GALNT10: variants seen among roughly 807,000 people sequenced by gnomAD.
GALNT10 encodes the protein GalNAc transferase 10.
In GALNT10, 41 loss-of-function variants were observed where a neutral mutation model predicts 75.0. That is an observed-to-expected ratio of 0.55 (90% CI 0.43 to 0.71). GALNT10 has a LOEUF of 0.71. Ranked by LOEUF, GALNT10 falls within the 30% of genes least tolerant of loss-of-function variation. The pLI is 0.00. For missense variants in GALNT10, 727 were observed against 818.5 expected (o/e 0.89, Z 1.36); for synonymous variants, 302 against 313.0 (o/e 0.96, Z 0.37).
intron 3 of GALNT10, among the ~76,000 whole-genome samples, chr5:154,322,262 G>A (rs1304366409): frequency 6.6e-6 from 1 of 152,100 alleles, no homozygotes; most frequent in East Asian, 1.9e-4. Flanking sequence ...CTGTCTATCA[G>A]CTGCCGACTG....
Position 154,225,115 on chromosome 5 carries a change from CAG to C in GALNT10, c.159+34093_159+34094del, listed in dbSNP as rs547522323. ...GTTTTTTTGTTTGTTTTTTTTTAGA[CAG>C]AGTCTTGCTCTGTCACCCAGGCTGG... On this transcript the variant is annotated intron_variant, in intron 1 of 11. Coordinates refer to ENST00000297107, the MANE Select transcript of GALNT10 (RefSeq NM_198321.4). Among the ~76,000 whole-genome samples the C allele has an allele frequency of 1.3e-4, 19 of 150,192 alleles. No homozygotes were observed. The East Asian group carries it at 3.7e-3, about 30-fold the overall frequency.
chr5:154,249,017 C>A (rs1160141888), intron 1 of GALNT10, among the ~76,000 whole-genome samples: 1 of 152,246 alleles, frequency 6.6e-6, no homozygotes, highest in Non-Finnish European at 1.5e-5. Context: ...AGCTTTGCAG[C>A]TTTGCTTTCC....
intron 4 of GALNT10, among the ~76,000 whole-genome samples, chr5:154,334,086 G>T (rs1233878600): frequency 2.0e-5 from 3 of 152,216 alleles, no homozygotes; most frequent in African/African-American, 7.2e-5. Flanking sequence ...GAAATTCATA[G>T]ATGCTAACTA....
intron 3 of GALNT10, among the ~76,000 whole-genome samples, chr5:154,314,288 T>A (rs192494513): frequency 2.0e-4 from 31 of 152,176 alleles, no homozygotes; most frequent in African/African-American, 7.2e-4. Flanking sequence ...GATCTGAGTG[T>A]CTCTTCAGCC....
rs1756513969 is a variant in GALNT10, at chr5:154,416,488, C to CACACACACACACAA, written c.1654-313_1654-312insAACACACACACACA. On this transcript the variant is annotated intron_variant, in intron 11 of 11. Transcript: ENST00000297107. This position sits in a 1 kb window ranked among gnomAD's most constrained non-coding sequence, Gnocchi z 4.5. ...GATAAAAGGAAAGCACATACACACA[C>CACACACACACACAA]ACACACACACACACACACACACACA... Among the ~76,000 whole-genome samples the CACACACACACACAA allele has an allele frequency of 7.1e-6, 1 of 141,344 alleles. No individual in the cohort carries two copies. Among genetic ancestry groups the CACACACACACACAA allele is most frequent in the Non-Finnish European group, 1.5e-5 (1 of 65,470 alleles). The allele number at this position is 141,344 out of a possible 152,430, so 92.7% of individuals were successfully genotyped here. A position where few individuals can be genotyped will look rare whatever the true frequency, so the allele number is the denominator to read the frequency against.
intron 4 of GALNT10, among the ~76,000 whole-genome samples, chr5:154,357,844 G>T (rs905780177): frequency 2.0e-5 from 3 of 152,160 alleles, no homozygotes; most frequent in Non-Finnish European, 2.9e-5. Flanking sequence ...GCCGCTCCCT[G>T]TGTGAGCTGA....
chr5:154,273,123 C>T (rs1194174959), intron 1 of GALNT10, among the ~76,000 whole-genome samples: 1 of 152,102 alleles, frequency 6.6e-6, no homozygotes, highest in African/African-American at 2.4e-5. Context: ...GTTAACACTG[C>T]ACTCAGAGAA....
chr5:154,339,740 A>G lies in GALNT10; in HGVS notation c.568+10002A>G, dbSNP rs553941418. Among the ~76,000 whole-genome samples the G allele has an allele frequency of 1.1e-3, 164 of 152,322 alleles. 1 individual carries two copies. The highest frequency in any genetic ancestry group is 3.8e-3 in the African/African-American group (157 of 41,574). ...TACATTTTAAAAACTTGGTGCAGTA[A>G]GAGTGTGGTAAATCACGGATATTCT... is the stretch of plus-strand genomic sequence containing the variant. On this transcript the variant is annotated intron_variant, in intron 4 of 11. Coordinates refer to ENST00000297107, the MANE Select transcript of GALNT10 (RefSeq NM_198321.4).
At chr5:154,289,199 A>G (rs1754156466) in intron 1 of GALNT10, among the ~76,000 whole-genome samples, 1 of 152,228 alleles carries the variant, frequency 6.6e-6, no homozygotes, top group South Asian at 2.1e-4. Flanking sequence ...GAGAGGACCT[A>G]ACTTTGTCCC....
intron 1 of GALNT10, among the ~76,000 whole-genome samples, chr5:154,228,954 C>T (rs1753106103): frequency 6.6e-6 from 1 of 152,142 alleles, no homozygotes; most frequent in Non-Finnish European, 1.5e-5. Flanking sequence ...TGTGATTTTG[C>T]TTTTGCTTTT....
intron 1 of GALNT10, among the ~76,000 whole-genome samples, chr5:154,227,512 C>T (rs1423687029): frequency 6.6e-6 from 1 of 152,024 alleles, no homozygotes; most frequent in African/African-American, 2.4e-5. Flanking sequence ...TTGTTGGTTT[C>T]TTATTACTGA....
intron 1 of GALNT10, among the ~76,000 whole-genome samples, chr5:154,263,749 A>G (rs756068202): frequency 2.0e-5 from 3 of 152,108 alleles, no homozygotes; most frequent in Non-Finnish European, 4.4e-5. Context: ...TTCTAAGGGC[A>G]CTAATCCAAG....
chr5:154,372,720 C>T (rs996375693), intron 4 of GALNT10, among the ~76,000 whole-genome samples: 3 of 151,974 alleles, frequency 2.0e-5, no homozygotes, highest in African/African-American at 4.8e-5. Flanking sequence ...GGTTGTTGGC[C>T]GAGGTCCGAC....
At chr5:154,359,102 T>A (rs1386671172) in intron 4 of GALNT10, among the ~76,000 whole-genome samples, 1 of 152,118 alleles carries the variant, frequency 6.6e-6, no homozygotes, top group Non-Finnish European at 1.5e-5. Context: ...CCAGTAATCA[T>A]CTTAATTGGT....
intron 6 of GALNT10, 59 bp from the exon 7 acceptor site, chr5:154,386,254 C>A (rs1260173325): frequency 8.1e-7 from 1 of 1,228,132 alleles, no homozygotes; most frequent in Non-Finnish European, 1.2e-6. Flanking sequence ...TATCGGGCCA[C>A]ATGAGAGCAT....
At chr5:154,241,980 C>T (rs1475997263) in intron 1 of GALNT10, among the ~76,000 whole-genome samples, 3 of 152,178 alleles carry the variant, frequency 2.0e-5, no homozygotes, top group South Asian at 2.1e-4. Context: ...TATTCTTCAT[C>T]ACCATCACCA....
chr5:154,394,529 C>T (rs955030017), intron 7 of GALNT10, among the ~76,000 whole-genome samples: 3 of 152,108 alleles, frequency 2.0e-5, no homozygotes, highest in Non-Finnish European at 4.4e-5. Context: ...TCCCAGATGC[C>T]CTGGCTCCAA....
intron 8 of GALNT10, among the ~76,000 whole-genome samples, chr5:154,408,382 G>A (rs562289068): frequency 6.0e-4 from 91 of 152,236 alleles, no homozygotes; most frequent in Non-Finnish European, 1.1e-3. Flanking sequence ...AGGTAAAACC[G>A]AAGAGTTAAA....
At chr5:154,328,998 C>G (rs1233792665) in intron 3 of GALNT10, among the ~76,000 whole-genome samples, 1 of 152,082 alleles carries the variant, frequency 6.6e-6, no homozygotes, top group African/African-American at 2.4e-5. Context: ...AAGTTCCAAG[C>G]TTCTAATTAT....
Sources: gnomAD v4.1 joint callset for allele counts (sites outside exome capture counted in the v4.1 genomes callset) on GRCh38, gnomAD v4.1.1 for gene constraint, Gnocchi (gnomAD v3.1) non-coding constraint, MANE v1.5 for transcripts, NCBI Gene and HGNC (gene_info 2026-07-23, HGNC 2026-07-21) for gene names.